STRBP: variants seen among roughly 807,000 people sequenced by gnomAD.
STRBP encodes spermatid perinuclear RNA-binding protein.
STRBP carries 13 observed loss-of-function variants against 80.1 expected under a neutral mutation model. The ratio of observed to expected loss-of-function variants is 0.16; its 90% confidence interval spans 0.11 to 0.26. The LOEUF (loss-of-function observed/expected upper bound fraction) is 0.26, where lower values mean the gene tolerates loss of function less well. STRBP is among the 10% of genes least tolerant of loss of function. The pLI is 1.00. For missense variants in STRBP, 485 were observed against 815.2 expected (o/e 0.59, Z 4.93); for synonymous variants, 284 against 291.2 (o/e 0.98, Z 0.25).
At chr9:123,121,479 T>C (rs2035731754), downstream of STRBP, 1 of 152,144 alleles carries the variant, frequency 6.6e-6, no homozygotes, top group Non-Finnish European at 1.5e-5. Context: ...AAAAGACAGA[T>C]GGATTGCTTT....
At chr9:123,262,066 G>A (rs2041170908) in intron 1 of STRBP, among the ~76,000 whole-genome samples, 1 of 152,034 alleles carries the variant, frequency 6.6e-6, no homozygotes, top group Admixed American at 6.5e-5. Context: ...TTCCATTTAG[G>A]CTGACTAAAC....
chr9:123,140,451 G>C (rs1294209660), intron 13 of STRBP, among the ~76,000 whole-genome samples: 1 of 152,098 alleles, frequency 6.6e-6, no homozygotes, highest in Non-Finnish European at 1.5e-5. Flanking sequence ...AAAATTAGCT[G>C]GGTGTGGCGG....
intron 11 of STRBP, 27 bp from the exon 12 acceptor site, chr9:123,147,897 A>T: frequency 2.5e-6 from 4 of 1,585,222 alleles, no homozygotes; most frequent in Non-Finnish European, 3.5e-6. Context: ...GGGATTCATT[A>T]TCAGTCAAAA....
At chr9:123,267,774 T>C (rs539303045) in intron 1 of STRBP, among the ~76,000 whole-genome samples, 133 of 147,816 alleles carry the variant, frequency 9.0e-4, no homozygotes, top group Non-Finnish European at 1.4e-3. Flanking sequence ...CTCCTTCCAG[T>C]CCTGCTCGAG....
At chr9:123,201,064 T>C (rs2039309090) in intron 2 of STRBP, among the ~76,000 whole-genome samples, 1 of 152,150 alleles carries the variant, frequency 6.6e-6, no homozygotes, top group Non-Finnish European at 1.5e-5. Flanking sequence ...TGTATTTCTG[T>C]GGTGTCAAGT....
At chr9:123,226,384 C>CT (rs1416428794) in intron 2 of STRBP, among the ~76,000 whole-genome samples, 1 of 152,034 alleles carries the variant, frequency 6.6e-6, no homozygotes, top group Non-Finnish European at 1.5e-5. Flanking sequence ...ATAAAAATGA[C>CT]TTTTTTATTA....
chr9:123,116,158 A>C, intron 2 of STRBP: 1 of 452,356 alleles, frequency 2.2e-6, no homozygotes, highest in South Asian at 1.6e-5. Flanking sequence ...TGATGGAAGA[A>C]TCCAAGGGGA....
intron 3 of STRBP, among the ~76,000 whole-genome samples, chr9:123,181,330 G>GTAAAT (rs2038448597): frequency 6.6e-6 from 1 of 152,216 alleles, no homozygotes; most frequent in Admixed American, 6.5e-5. Flanking sequence ...CTAGGCTCAT[G>GTAAAT]TACTTGCTAA....
Position 123,229,086 on chromosome 9 carries a change from G to A in STRBP, c.-165+7744C>T, listed in dbSNP as rs147430799. Among the ~76,000 whole-genome samples the A allele has an allele frequency of 4.7e-3, 721 of 152,276 alleles. 5 individuals are homozygous for A. The highest frequency in any genetic ancestry group is 0.017 in the African/African-American group (693 of 41,574). On this transcript the variant is annotated intron_variant, in intron 2 of 18. Transcript: ENST00000348403. Reference sequence around the variant, plus strand: ...TAAGGGAAAGAAGCTAGTCACAAAAGACCACATATTGTATGATTCCATTTA... The same window carrying A: ...TAAGGGAAAGAAGCTAGTCACAAAAAACCACATATTGTATGATTCCATTTA...
chr9:123,157,903 G>T, intron 11 of STRBP, 109 bp downstream of exon 11: 1 of 833,006 alleles, frequency 1.2e-6, no homozygotes, highest in Non-Finnish European at 2.0e-6. Context: ...TTTTATATAT[G>T]ATTTGGATGC....
At chr9:123,203,071 C>A (rs2039385039) in intron 2 of STRBP, among the ~76,000 whole-genome samples, 1 of 152,080 alleles carries the variant, frequency 6.6e-6, no homozygotes, top group Non-Finnish European at 1.5e-5. Flanking sequence ...TCTACATTAG[C>A]ATCCAGGCAT....
chr9:123,159,892 T>C (rs1473208373), intron 8 of STRBP, among the ~76,000 whole-genome samples: 1 of 152,220 alleles, frequency 6.6e-6, no homozygotes, highest in Non-Finnish European at 1.5e-5. Flanking sequence ...TGCCTGACTT[T>C]AATTACTAAC....
chr9:123,237,358 C>T (rs180973104), intron 1 of STRBP, among the ~76,000 whole-genome samples: 172 of 152,210 alleles, frequency 1.1e-3, no homozygotes, highest in Non-Finnish European at 2.0e-3. Flanking sequence ...CTCCCAAGAA[C>T]ATTTCAACAC....
intron 2 of STRBP, among the ~76,000 whole-genome samples, chr9:123,186,708 G>A (rs898021269): frequency 2.6e-5 from 4 of 151,582 alleles, no homozygotes; most frequent in Non-Finnish European, 4.4e-5. Flanking sequence ...ACAGACCAAT[G>A]CTTTTTCCCC....
chr9:123,169,833 C>T lies in STRBP; in HGVS notation c.535+69G>A, dbSNP rs560462017. 7.3e-6 allele frequency: 7 copies of T among 962,650 alleles called. No individual in the cohort carries two copies. The African/African-American group carries it at 1.2e-4, about 16-fold the overall frequency. 59.6% of individuals were successfully genotyped at this position (962,650 alleles called of 1,614,324 possible). A position where few individuals can be genotyped will look rare whatever the true frequency, so the allele number is the denominator to read the frequency against. ...AATCCATAAAACATTGTTAACATAGCTTTTATATGAAGAAAACAAACAACA... is the reference window on the plus strand; with the variant it reads ...AATCCATAAAACATTGTTAACATAGTTTTTATATGAAGAAAACAAACAACA... On this transcript the variant is annotated intron_variant, in intron 6 of 18. Transcript: ENST00000348403.
At chr9:123,239,723 A>G (rs185058149) in intron 1 of STRBP, among the ~76,000 whole-genome samples, 24 of 152,328 alleles carry the variant, frequency 1.6e-4, no homozygotes, top group East Asian at 1.3e-3. Flanking sequence ...AACTATACAC[A>G]TAAGTTTTAA....
At chr9:123,212,177 C>T (rs1398650093) in intron 2 of STRBP, among the ~76,000 whole-genome samples, 1 of 152,130 alleles carries the variant, frequency 6.6e-6, no homozygotes, top group Admixed American at 6.5e-5. Flanking sequence ...CACGTGTATA[C>T]ATTTAACACT....
At chr9:123,171,860 T>G (rs2038023730) in intron 5 of STRBP, among the ~76,000 whole-genome samples, 1 of 152,192 alleles carries the variant, frequency 6.6e-6, no homozygotes, top group Non-Finnish European at 1.5e-5. Flanking sequence ...CTCCTAAAAT[T>G]TGAGATGGTT....
intron 2 of STRBP, 145 bp from the exon 3 acceptor site, chr9:123,184,443 A>T (rs1428897482): frequency 2.6e-5 from 6 of 230,902 alleles, no homozygotes; most frequent in Non-Finnish European, 5.0e-5. Context: ...AAAAGCTAAC[A>T]CATCTTTTGA....
Sources: allele counts gnomAD v4.1 joint callset (sites outside exome capture counted in the v4.1 genomes callset), GRCh38; gene constraint gnomAD v4.1.1; transcripts MANE v1.5; gene names NCBI Gene and HGNC (gene_info 2026-07-23, HGNC 2026-07-21).